ATP8B4: variants seen among roughly 807,000 people sequenced by gnomAD.
The protein encoded by ATP8B4 is probable phospholipid-transporting ATPase IM.
ATP8B4 carries 133 observed loss-of-function variants against 145.6 expected under a neutral mutation model. The observed-to-expected ratio is 0.91, with a 90% CI of 0.79 to 1.05. ATP8B4 has a LOEUF of 1.05. Ranked by LOEUF, ATP8B4 falls within the 50% of genes least tolerant of loss-of-function variation. The pLI is 0.00. For missense variants in ATP8B4, 1,458 were observed against 1,425.2 expected (o/e 1.02, Z -0.37); for synonymous variants, 507 against 492.9 (o/e 1.03, Z -0.38).
intron 22 of ATP8B4, 148 bp downstream of exon 22, chr15:49,897,920 G>A: frequency 8.2e-6 from 7 of 857,872 alleles, no homozygotes; most frequent in Middle Eastern, 5.6e-4. Flanking sequence ...ACTAATAATG[G>A]TGGTAGCATT....
At chr15:50,012,847 A>G (rs561278506) in intron 6 of ATP8B4, among the ~76,000 whole-genome samples, 2 of 152,278 alleles carry the variant, frequency 1.3e-5, no homozygotes, top group African/African-American at 4.8e-5. Context: ...ATCAGTGGGT[A>G]CAATACAATC....
intron 5 of ATP8B4, among the ~76,000 whole-genome samples, chr15:50,043,477 A>C (rs185084845): frequency 1.1e-4 from 16 of 152,196 alleles, no homozygotes; most frequent in African/African-American, 2.9e-4. Context: ...CTGCTTCTGC[A>C]ACCCCTGAGA....
intron 3 of ATP8B4, among the ~76,000 whole-genome samples, chr15:50,063,943 T>C (rs542626309): frequency 1.3e-5 from 2 of 152,234 alleles, no homozygotes; most frequent in Non-Finnish European, 2.9e-5. Context: ...TTTGGCTCAA[T>C]TGATGGAAAA....
rs753686884 is a variant in ATP8B4, at chr15:49,866,332, C to T, written c.3166+14G>A. On this transcript the variant is annotated intron_variant, in intron 26 of 27. Coordinates refer to ENST00000284509, the MANE Select transcript of ATP8B4 (RefSeq NM_024837.4). ...GCAGACACTAGGTTCCACTAGTCAACATGACTCACTTACCAACAAATGGAA... is the reference window on the plus strand; with the variant it reads ...GCAGACACTAGGTTCCACTAGTCAATATGACTCACTTACCAACAAATGGAA... 2 of 1,613,160 alleles carry T rather than the reference C, an allele frequency of 1.2e-6. No individual in the cohort carries two copies. Among genetic ancestry groups the T allele is most frequent in the Non-Finnish European group, 1.7e-6 (2 of 1,179,338 alleles).
chr15:49,958,984 A>T (rs553200248), intron 14 of ATP8B4, among the ~76,000 whole-genome samples: 22 of 152,080 alleles, frequency 1.4e-4, no homozygotes, highest in Non-Finnish European at 2.7e-4. Flanking sequence ...TAAAGCAAAT[A>T]TAACATTGGT....
chr15:50,166,673 T>C (rs1185662969), intron 1 of ATP8B4, among the ~76,000 whole-genome samples: 1 of 152,142 alleles, frequency 6.6e-6, no homozygotes, highest in Non-Finnish European at 1.5e-5. Flanking sequence ...TACACAATCA[T>C]GTATGTGGGT....
chr15:50,104,883 A>ACACACACACACACACACACACG (rs2056588142), intron 2 of ATP8B4, among the ~76,000 whole-genome samples: 1 of 151,552 alleles, frequency 6.6e-6, no homozygotes, highest in East Asian at 1.9e-4. Context: ...ACACACACAC[A>ACACACACACACACACACACACG]CACACCCATA....
chr15:50,117,908 C>CA (rs879583209), intron 1 of ATP8B4, among the ~76,000 whole-genome samples: 1 of 152,100 alleles, frequency 6.6e-6, no homozygotes, highest in Admixed American at 6.5e-5. Context: ...CACAGAAAGA[C>CA]AAATATCACA....
intron 25 of ATP8B4, among the ~76,000 whole-genome samples, chr15:49,875,453 A>T (rs1200753120): frequency 6.6e-6 from 1 of 152,206 alleles, no homozygotes; most frequent in African/African-American, 2.4e-5. Flanking sequence ...AATTATTAAC[A>T]GTTTGCTCAG....
intron 1 of ATP8B4, among the ~76,000 whole-genome samples, chr15:50,171,587 A>G (rs1173944496): frequency 2.0e-5 from 3 of 152,126 alleles, no homozygotes; most frequent in African/African-American, 7.2e-5. Context: ...ACCCCTAAAC[A>G]CCTACATCAA....
In ATP8B4 at chr15:49,957,306, A is replaced by G. The variant is rs990309737; in HGVS notation, c.1287+4671T>C. Among the ~76,000 whole-genome samples the G allele has an allele frequency of 3.3e-5, 5 of 152,206 alleles. No individual in the cohort carries two copies. In the South Asian group the frequency reaches 1.0e-3, roughly 32 times the overall value. ...ATTATGTAAACACTTGAGAGTATAC[A>G]GTACAGAAACAATAAAATACTTCCT... On this transcript the variant is annotated intron_variant, in intron 14 of 27. Coordinates refer to ENST00000284509, the MANE Select transcript of ATP8B4 (RefSeq NM_024837.4).
intron 13 of ATP8B4, among the ~76,000 whole-genome samples, chr15:49,970,285 G>T (rs994653210): frequency 6.6e-6 from 1 of 152,170 alleles, no homozygotes; most frequent in Non-Finnish European, 1.5e-5. Flanking sequence ...AATCAGGCAA[G>T]AGAACGAAAT....
Position 49,931,179 on chromosome 15 carries a change from T to C in ATP8B4, c.1582A>G (p.Thr528Ala), listed in dbSNP as rs765432189. 3.1e-6 allele frequency: 5 copies of C among 1,612,536 alleles called. No individual in the cohort carries two copies. In the East Asian group the frequency reaches 6.7e-5, roughly 22 times the overall value. The change falls in exon 16 of 28, where the codon ACT becomes GCT. Residue 528 changes from threonine (T) to alanine (A), a missense_variant. Coordinates refer to ENST00000284509, the MANE Select transcript of ATP8B4 (RefSeq NM_024837.4). ...TCCAAAAAGGCAAGTAATTGATAAGTAACTAGTGTTCCCAATTCTTCTATT... is the reference window on the plus strand; with the variant it reads ...TCCAAAAAGGCAAGTAATTGATAAGCAACTAGTGTTCCCAATTCTTCTATT... Reference protein sequence around the residue: ...ITIEELGTLVTYQLLAFLDFN... With the variant: ...ITIEELGTLVAYQLLAFLDFN...
intron 4 of ATP8B4, among the ~76,000 whole-genome samples, chr15:50,046,764 GT>G (rs1429951045): frequency 6.6e-6 from 1 of 152,082 alleles, no homozygotes; most frequent in East Asian, 1.9e-4. Flanking sequence ...TGATTCATAT[GT>G]TTTTCCTTCC....
chr15:49,904,092 G>GA (rs1158271249), intron 20 of ATP8B4, among the ~76,000 whole-genome samples: 1 of 152,056 alleles, frequency 6.6e-6, no homozygotes, highest in East Asian at 1.9e-4. Context: ...ATTAGCCAGC[G>GA]ACAGATCCAT....
chr15:50,042,375 G>A (rs1028343439), intron 5 of ATP8B4, among the ~76,000 whole-genome samples: 9 of 152,066 alleles, frequency 5.9e-5, no homozygotes, highest in African/African-American at 2.2e-4. Context: ...AGATAACTAT[G>A]AGGAAATATC....
intron 13 of ATP8B4, among the ~76,000 whole-genome samples, chr15:49,966,225 G>GT (rs149645444): frequency 1.3e-5 from 2 of 152,094 alleles, no homozygotes; most frequent in Admixed American, 6.5e-5. Context: ...AGCTGCAGGA[G>GT]TTTTTTTTCA....
intron 1 of ATP8B4, among the ~76,000 whole-genome samples, chr15:50,174,551 C>CAA (rs35979987): frequency 3.5e-4 from 28 of 80,414 alleles, no homozygotes; most frequent in Middle Eastern, 7.4e-3. Context: ...ACAATCACTG[C>CAA]AAAAAAAAAA....
chr15:50,069,638 G>T (rs1350949726), intron 3 of ATP8B4, among the ~76,000 whole-genome samples: 1 of 152,172 alleles, frequency 6.6e-6, no homozygotes. Context: ...GGTTATATGA[G>T]GAAAGGCAAA....
Sources: allele counts gnomAD v4.1 joint callset (sites outside exome capture counted in the v4.1 genomes callset), GRCh38; gene constraint gnomAD v4.1.1; transcripts MANE v1.5; gene names NCBI Gene and HGNC (gene_info 2026-07-23, HGNC 2026-07-21).